Variants in TMEFF2 observed in about 807,000 individuals in gnomAD.
The protein encoded by TMEFF2 is tomoregulin-2.
Under a neutral mutation model 53.8 loss-of-function variants are expected in TMEFF2, and 28 were observed. The observed-to-expected ratio is 0.52, with a 90% CI of 0.39 to 0.71. TMEFF2 has a LOEUF of 0.71. Among genes scored for constraint, TMEFF2 ranks in the 30% least tolerant of loss-of-function variants. The pLI, the probability that TMEFF2 is intolerant of heterozygous loss-of-function variation, is 0.00. For synonymous variants in TMEFF2, 162 were observed against 166.3 expected, an observed-to-expected ratio of 0.97 and a Z score of 0.20; for missense variants, 353 against 455.2, an observed-to-expected ratio of 0.78 and a Z score of 2.04.
At chr2:192,002,261 A>C (rs1282952089) in intron 5 of TMEFF2, among the ~76,000 whole-genome samples, 1 of 152,138 alleles carries the variant, frequency 6.6e-6, no homozygotes, top group Non-Finnish European at 1.5e-5. Flanking sequence ...GAGGACATAG[A>C]TTCATTCCTT....
At chr2:192,169,579 T>A (rs1690857216) in intron 4 of TMEFF2, among the ~76,000 whole-genome samples, 1 of 152,136 alleles carries the variant, frequency 6.6e-6, no homozygotes, top group Admixed American at 6.5e-5. Context: ...AAGTATTCTA[T>A]GTAAATATTC....
intron 4 of TMEFF2, among the ~76,000 whole-genome samples, chr2:192,103,291 T>A (rs1689075604): frequency 6.6e-6 from 1 of 152,160 alleles, no homozygotes; most frequent in Non-Finnish European, 1.5e-5. Flanking sequence ...CACGCCCCTT[T>A]CTTAGTACCA....
intron 4 of TMEFF2, chr2:192,178,703 G>T (rs1691111661): frequency 1.3e-5 from 2 of 151,144 alleles, no homozygotes; most frequent in South Asian, 2.1e-4. Flanking sequence ...TAGATAAAGG[G>T]TGCACTAAAT....
At chr2:192,051,168 C>T (rs1687761114) in intron 5 of TMEFF2, among the ~76,000 whole-genome samples, 1 of 151,350 alleles carries the variant, frequency 6.6e-6, no homozygotes, top group Non-Finnish European at 1.5e-5. Context: ...TCTCAAAAAG[C>T]CATGCACACA....
At chr2:192,127,796 G>A (rs1320321062) in intron 4 of TMEFF2, among the ~76,000 whole-genome samples, 1 of 152,106 alleles carries the variant, frequency 6.6e-6, no homozygotes, top group African/African-American at 2.4e-5. Context: ...TGTTATTCTT[G>A]CTATCAATGA....
At position 192,194,370 on chromosome 2, in the gene TMEFF2, G is replaced by A. The variant is rs746079330; in HGVS notation, c.155C>T (p.Thr52Ile). ...GGACTTACCAGAGCAATTCCAGCCG[G>A]TGGGCGTTTGGCAGTCACTTAAGGA... ...PTSLSDCQTPTGWNCSGYDDR... is the reference protein window; with the variant it reads ...PTSLSDCQTPIGWNCSGYDDR... Residue 52 changes from threonine (T) to isoleucine (I), a missense_variant, in exon 1 of 10, where the codon ACC (threonine) becomes ATC (isoleucine). By Grantham distance (89) the Thr-to-Ile change is moderately conservative. This residue lies in a region of TMEFF2 where 294 missense variants were observed against 397.3 expected (regional missense o/e 0.74). Transcript: ENST00000272771. The surrounding 1 kb of genome is among the most constrained non-coding windows in gnomAD (Gnocchi z 4.2). 3 of 1,614,168 alleles carry A rather than the reference G, an allele frequency of 1.9e-6. No individual in the cohort carries two copies. Among genetic ancestry groups the A allele is most frequent in the South Asian group, 2.2e-5 (2 of 91,088 alleles).
chr2:192,053,713 T>A (rs1189446666), intron 5 of TMEFF2, among the ~76,000 whole-genome samples: 1 of 152,224 alleles, frequency 6.6e-6, no homozygotes, highest in East Asian at 1.9e-4. Flanking sequence ...ATCAATAGCG[T>A]ATCAACGCTC....
intron 4 of TMEFF2, among the ~76,000 whole-genome samples, chr2:192,068,427 C>G (rs1688214579): frequency 6.6e-6 from 1 of 151,686 alleles, no homozygotes; most frequent in African/African-American, 2.4e-5. Flanking sequence ...TATTATGGAG[C>G]CTATAGAAAA....
At chr2:192,125,640 G>A (rs1332270014) in intron 4 of TMEFF2, among the ~76,000 whole-genome samples, 1 of 152,168 alleles carries the variant, frequency 6.6e-6, no homozygotes, top group African/African-American at 2.4e-5. Flanking sequence ...ATCAATGATA[G>A]ACTGGATAAA....
At chr2:192,019,830 C>T (rs1686823206) in intron 5 of TMEFF2, among the ~76,000 whole-genome samples, 1 of 151,970 alleles carries the variant, frequency 6.6e-6, no homozygotes, top group Admixed American at 6.6e-5. Context: ...TAGAACACTA[C>T]ATGGAGAATT....
chr2:192,148,815 G>C (rs1185174021), intron 4 of TMEFF2, among the ~76,000 whole-genome samples: 2 of 151,928 alleles, frequency 1.3e-5, no homozygotes, highest in Non-Finnish European at 2.9e-5. Flanking sequence ...TTCATTTTTG[G>C]CATAACTAGT....
intron 4 of TMEFF2, among the ~76,000 whole-genome samples, chr2:192,118,601 A>G (rs891989267): frequency 2.6e-5 from 4 of 152,184 alleles, no homozygotes; most frequent in African/African-American, 9.6e-5. Flanking sequence ...TGTCTCAGGA[A>G]CTGAGAGTGT....
intron 4 of TMEFF2, among the ~76,000 whole-genome samples, chr2:192,068,007 A>G (rs1421850156): frequency 6.6e-6 from 1 of 151,926 alleles, no homozygotes; most frequent in East Asian, 1.9e-4. Context: ...AAAACTGAAA[A>G]TGGCATTAAT....
intron 5 of TMEFF2, chr2:192,021,797 G>A (rs1053562565): frequency 6.6e-6 from 1 of 152,272 alleles, no homozygotes; most frequent in Non-Finnish European, 1.5e-5. Context: ...TTGAAAATCT[G>A]TGTGAGCTGA....
chr2:191,967,804 G>A (rs564281034), intron 7 of TMEFF2, among the ~76,000 whole-genome samples: 2 of 152,236 alleles, frequency 1.3e-5, no homozygotes, highest in South Asian at 2.1e-4. Context: ...TGGTCTATGA[G>A]TGTGTGAGCC....
intron 3 of TMEFF2, among the ~76,000 whole-genome samples, chr2:192,182,379 A>G (rs1364432594): frequency 6.6e-6 from 1 of 151,984 alleles, no homozygotes; most frequent in Non-Finnish European, 1.5e-5. Context: ...AACCTTTTAG[A>G]TTTACAAGTC....
At chr2:192,127,117 T>C (rs1270414100) in intron 4 of TMEFF2, among the ~76,000 whole-genome samples, 2 of 152,184 alleles carry the variant, frequency 1.3e-5, no homozygotes, top group African/African-American at 4.8e-5. Flanking sequence ...TTCTGACAGA[T>C]GAGAGTCTGT....
chr2:192,038,391 C>G (rs571021261), intron 5 of TMEFF2, among the ~76,000 whole-genome samples: 11 of 152,264 alleles, frequency 7.2e-5, no homozygotes, highest in African/African-American at 2.4e-4. Flanking sequence ...AATGCAAAGT[C>G]CTTAGAAGAG....
chr2:191,954,563 A>C (rs183144422), intron 8 of TMEFF2, among the ~76,000 whole-genome samples: 21 of 152,318 alleles, frequency 1.4e-4, no homozygotes, highest in African/African-American at 5.1e-4. Flanking sequence ...ATGGGTACAA[A>C]AATTAGTCTG....
Sources: allele counts gnomAD v4.1 joint callset (sites outside exome capture counted in the v4.1 genomes callset), GRCh38; gene constraint gnomAD v4.1.1; regional missense constraint gnomAD v4.1.1; non-coding constraint Gnocchi (gnomAD v3.1); transcripts MANE v1.5; gene names NCBI Gene and HGNC (gene_info 2026-07-23, HGNC 2026-07-21).